Variants in RBFOX1 observed in about 807,000 individuals in gnomAD.
The protein encoded by RBFOX1 is RNA binding protein fox-1 homolog 1.
Under a neutral mutation model 57.7 loss-of-function variants are expected in RBFOX1, and 8 were observed. That is an observed-to-expected ratio of 0.14 (90% CI 0.08 to 0.25). RBFOX1 has a LOEUF of 0.25. Ranked by LOEUF, RBFOX1 falls within the 10% of genes least tolerant of loss-of-function variation. The pLI is 1.00. For missense variants in RBFOX1, 611 were observed against 548.5 expected, an observed-to-expected ratio of 1.11 and a Z score of -1.14; for synonymous variants, 326 against 222.4, an observed-to-expected ratio of 1.47 and a Z score of -4.15.
At chr16:7,140,264 G>A (rs1257387941) in intron 4 of RBFOX1, among the ~76,000 whole-genome samples, 2 of 47,050 alleles carry the variant, frequency 4.3e-5, no homozygotes, top group African/African-American at 7.6e-5. Context: ...TTTTTTAAAT[G>A]GCTTTTTTTT....
chr16:7,437,718 C>T (rs1214773185), intron 4 of RBFOX1, among the ~76,000 whole-genome samples: 1 of 152,078 alleles, frequency 6.6e-6, no homozygotes, highest in East Asian at 1.9e-4. Context: ...TTAGCCTACT[C>T]CTGCAGCTCT....
rs369673343 is a variant in RBFOX1, at chr16:6,417,651, A to G, written c.-64+100594A>G. On this transcript the variant is annotated intron_variant, in intron 2 of 15. Transcript: ENST00000550418. Reference sequence around the variant, plus strand: ...GTGATCCACCTACCTCAGCCTCTCAAAGTGCTGGGATTACAGGTGTGAGCC... The same window carrying G: ...GTGATCCACCTACCTCAGCCTCTCAGAGTGCTGGGATTACAGGTGTGAGCC... 4.6e-5 allele frequency among the ~76,000 whole-genome samples: 7 copies of G among 151,112 alleles called. No individual in the cohort carries two copies. In the East Asian group the frequency reaches 5.8e-4, roughly 13 times the overall value.
intron 1 of RBFOX1, among the ~76,000 whole-genome samples, chr16:6,139,105 T>C (rs936016589): frequency 6.6e-6 from 1 of 152,188 alleles, no homozygotes; most frequent in Admixed American, 6.5e-5. Flanking sequence ...AGCAGTTCTA[T>C]AGAGTACTGT....
At chr16:6,206,219 G>A (rs2097254472) in intron 1 of RBFOX1, among the ~76,000 whole-genome samples, 1 of 152,040 alleles carries the variant, frequency 6.6e-6, no homozygotes, top group African/African-American at 2.4e-5. Flanking sequence ...CTTCCTTTCA[G>A]TTCTATGGGC....
intron 2 of RBFOX1, among the ~76,000 whole-genome samples, chr16:6,633,817 T>C (rs1019559038): frequency 2.0e-5 from 3 of 152,090 alleles, no homozygotes; most frequent in African/African-American, 7.2e-5. Flanking sequence ...GAGACTAGCC[T>C]GGGCAACACG....
At chr16:6,498,160 G>A (rs766645611) in intron 2 of RBFOX1, among the ~76,000 whole-genome samples, 8 of 151,260 alleles carry the variant, frequency 5.3e-5, no homozygotes, top group East Asian at 2.0e-4. Context: ...GCTGAGGCAC[G>A]AGAATCACTA....
intron 1 of RBFOX1, among the ~76,000 whole-genome samples, chr16:5,425,562 T>G (rs765759868): frequency 1.3e-5 from 2 of 152,182 alleles, no homozygotes. Context: ...AAATCAGCCA[T>G]GTGACTCCCC....
At chr16:7,348,998 G>T (rs1348089556) in intron 4 of RBFOX1, among the ~76,000 whole-genome samples, 1 of 152,152 alleles carries the variant, frequency 6.6e-6, no homozygotes, top group Non-Finnish European at 1.5e-5. Context: ...TCAACCGGGT[G>T]AGTAGGAGGC....
chr16:6,361,544 C>G (rs749699302), intron 2 of RBFOX1, among the ~76,000 whole-genome samples: 1 of 151,642 alleles, frequency 6.6e-6, no homozygotes, highest in Non-Finnish European at 1.5e-5. Flanking sequence ...AGAAGAATCG[C>G]TTGAACCCAG....
chr16:6,978,196 G>A (rs2087641988), intron 3 of RBFOX1, among the ~76,000 whole-genome samples: 1 of 152,154 alleles, frequency 6.6e-6, no homozygotes, highest in African/African-American at 2.4e-5. Flanking sequence ...CCTTGACTGG[G>A]CCCTCGGTTG....
downstream of RBFOX1, among the ~76,000 whole-genome samples, chr16:5,603,548 A>G (rs1005997773): frequency 1.3e-5 from 2 of 152,228 alleles, no homozygotes; most frequent in Non-Finnish European, 2.9e-5. Flanking sequence ...ATCAGGTAAC[A>G]TAAAAATTAC....
chr16:7,569,284 G>A (rs746288469), intron 5 of RBFOX1, among the ~76,000 whole-genome samples: 2 of 152,140 alleles, frequency 1.3e-5, no homozygotes, highest in Non-Finnish European at 2.9e-5. Flanking sequence ...GAATCACCAG[G>A]TTTACAAGGA....
chr16:5,946,088 GACTT>G lies in RBFOX1; in HGVS notation c.351+78756_351+78759del, dbSNP rs2059394765. Among the ~76,000 whole-genome samples the G allele has an allele frequency of 1.3e-5, 2 of 152,146 alleles. No individual in the cohort carries two copies. Among genetic ancestry groups the G allele is most frequent in the Admixed American group, 1.3e-4 (2 of 15,288 alleles). The stretch of plus-strand genomic sequence containing the variant: ...GAGACAGGGTTTTAATTAGTGGACT[GACTT>G]ACCCGCTATTCTTGTCTTTTTAAAA... On this transcript the variant is annotated intron_variant, in intron 4 of 19. Coordinates refer to the RBFOX1 transcript ENST00000641259. This position sits in a 1 kb window ranked among gnomAD's most constrained non-coding sequence, Gnocchi z 4.6.
chr16:6,563,989 A>G (rs555886488), intron 2 of RBFOX1, among the ~76,000 whole-genome samples: 13 of 152,232 alleles, frequency 8.5e-5, no homozygotes, highest in Non-Finnish European at 1.8e-4. Context: ...TGGAGGGGAC[A>G]GACATGTAAA....
intron 1 of RBFOX1, among the ~76,000 whole-genome samples, chr16:6,092,177 G>C (rs2096185115): frequency 6.6e-6 from 1 of 152,194 alleles, no homozygotes; most frequent in Non-Finnish European, 1.5e-5. Flanking sequence ...CTTATCATGA[G>C]AATAATAAAA....
At chr16:7,286,616 ATTTTTTT>A (rs61621368) in intron 4 of RBFOX1, among the ~76,000 whole-genome samples, 6 of 90,908 alleles carry the variant, frequency 6.6e-5, no homozygotes, top group South Asian at 4.3e-4. Flanking sequence ...GGACTGGCTA[ATTTTTTT>A]TTTTTTTTTT....
intron 1 of RBFOX1, among the ~76,000 whole-genome samples, chr16:5,333,033 A>C (rs973395897): frequency 3.9e-5 from 6 of 152,082 alleles, no homozygotes; most frequent in African/African-American, 1.2e-4. Context: ...TAAAAATACA[A>C]AAAAATTAGC....
exon 3 of RBFOX1, chr16:5,599,115 T>A: frequency 1.3e-6 from 1 of 768,288 alleles, no homozygotes; most frequent in Non-Finnish European, 2.2e-6. Context: ...GAATAAATTT[T>A]CCAGAGCACT....
At chr16:7,330,036 G>A (rs114696519) in intron 4 of RBFOX1, among the ~76,000 whole-genome samples, 2,212 of 152,186 alleles carry the variant, frequency 0.015, 55 homozygotes, top group African/African-American at 0.049. Flanking sequence ...CATAGAAAAG[G>A]TACAGTAAAG....
Sources: gnomAD v4.1 joint callset for allele counts (sites outside exome capture counted in the v4.1 genomes callset) on GRCh38, gnomAD v4.1.1 for gene constraint, Gnocchi (gnomAD v3.1) non-coding constraint, MANE v1.5 for transcripts, NCBI Gene and HGNC (gene_info 2026-07-23, HGNC 2026-07-21) for gene names.